NTM: variants seen among roughly 807,000 people sequenced by gnomAD.
NTM encodes neurotrimin.
A neutral mutation model predicts 42.1 loss-of-function variants in NTM; 13 were observed. That is an observed-to-expected ratio of 0.31 (90% CI 0.20 to 0.49). The LOEUF (loss-of-function observed/expected upper bound fraction) is 0.49, where lower values mean the gene tolerates loss of function less well. Ranked by LOEUF, NTM falls within the 20% of genes least tolerant of loss-of-function variation. NTM has a pLI of 0.99. For synonymous variants in NTM, 187 were observed against 179.2 expected, an observed-to-expected ratio of 1.04 and a Z score of -0.35; for missense variants, 373 against 452.8, an observed-to-expected ratio of 0.82 and a Z score of 1.60.
intron 4 of NTM, among the ~76,000 whole-genome samples, chr11:132,290,472 C>A (rs1370398925): frequency 6.6e-6 from 1 of 152,022 alleles, no homozygotes; most frequent in East Asian, 1.9e-4. Context: ...TCTAAATATG[C>A]ATTGGATACT....
Position 132,146,576 on chromosome 11 carries a change from G to T in NTM, c.400+62G>T, listed in dbSNP as rs1284284188. ...CCAGCCTGGAAAGCCTTCAGGTAAA[G>T]GTTTGTTCTCTGATCCTCAACAGAG... is the stretch of plus-strand genomic sequence containing the variant. On this transcript the variant is annotated intron_variant, in intron 3 of 8. Coordinates refer to ENST00000683400, the MANE Select transcript of NTM (RefSeq NM_001352005.2). The surrounding 1 kb of genome is among the most constrained non-coding windows in gnomAD (Gnocchi z 4.5). 6 of 1,555,036 alleles carry T rather than the reference G, an allele frequency of 3.9e-6. No individual in the cohort carries two copies. Among genetic ancestry groups the T allele is most frequent in the Non-Finnish European group, 5.3e-6 (6 of 1,139,822 alleles).
intron 4 of NTM, among the ~76,000 whole-genome samples, chr11:132,262,930 T>G (rs1170705986): frequency 1.3e-5 from 2 of 152,184 alleles, no homozygotes; most frequent in Non-Finnish European, 1.5e-5. Flanking sequence ...AAGTTATGTA[T>G]TTCCAAAATA....
chr11:131,776,124 G>T (rs184139909), intron 1 of NTM, among the ~76,000 whole-genome samples: 2 of 152,330 alleles, frequency 1.3e-5, no homozygotes, highest in Admixed American at 1.3e-4. Context: ...ATAATCCTGT[G>T]TGGAAGCTCC....
At chr11:131,854,600 A>T (rs1266508311) in intron 1 of NTM, among the ~76,000 whole-genome samples, 1 of 152,166 alleles carries the variant, frequency 6.6e-6, no homozygotes, top group Non-Finnish European at 1.5e-5. Flanking sequence ...AACAGAGGTG[A>T]ATGTGCTTGG....
At chr11:132,200,914 T>C (rs1167820185) in intron 3 of NTM, among the ~76,000 whole-genome samples, 1 of 152,182 alleles carries the variant, frequency 6.6e-6, no homozygotes, top group African/African-American at 2.4e-5. Context: ...ACTTACATAT[T>C]TGTTTACCTG....
At chr11:131,860,449 A>C (rs1295405758) in intron 1 of NTM, among the ~76,000 whole-genome samples, 3 of 152,134 alleles carry the variant, frequency 2.0e-5, no homozygotes, top group Admixed American at 2.0e-4. Flanking sequence ...AACATGTGGG[A>C]TGTTTCTGCC....
Position 132,146,211 on chromosome 11 carries a change from A to T in NTM, c.168-71A>T. 6.3e-7 allele frequency: 1 copy of T among 1,582,214 alleles called. No homozygotes were observed. The highest frequency in any genetic ancestry group is 8.6e-7 in the Non-Finnish European group (1 of 1,162,312). On this transcript the variant is annotated intron_variant, in intron 2 of 8. Coordinates refer to ENST00000683400, the MANE Select transcript of NTM (RefSeq NM_001352005.2). This position sits in a 1 kb window ranked among gnomAD's most constrained non-coding sequence, Gnocchi z 4.5. ...AAAGACAAGATATTCTAGCCTTGCC[A>T]TGAGGACCTCCCTCTGATGGCTGCT...
At position 132,212,074 on chromosome 11, in the gene NTM, C is replaced by G; in HGVS notation, c.453C>G (p.Asn151Lys). 6.2e-7 allele frequency: 1 copy of G among 1,613,340 alleles called. No homozygotes were observed. The highest frequency in any genetic ancestry group is 1.7e-4 in the Middle Eastern group (1 of 6,058). ...CAGATATCTCCATTAATGAAGGGAA[C>G]AATATTAGCCTCACCTGCATAGCAA... is the stretch of plus-strand genomic sequence containing the variant. ...ISSDISINEG[N>K]NISLTCIATG... Residue 151 changes from asparagine to lysine, a missense_variant, in exon 4 of 9, where the codon AAC (asparagine) becomes AAG (lysine). Physicochemically the swap from Asn to Lys is moderately conservative, Grantham distance 94. Coordinates refer to ENST00000683400, the MANE Select transcript of NTM (RefSeq NM_001352005.2).
rs576958345 is a variant in NTM, at chr11:131,689,265, G to A, written c.83-222299G>A. Among the ~76,000 whole-genome samples, 211 of 152,274 alleles carry A rather than the reference G, an allele frequency of 1.4e-3. 1 individual carries two copies. The highest frequency in any genetic ancestry group is 4.2e-3 in the African/African-American group (173 of 41,576). On this transcript the variant is annotated intron_variant, in intron 1 of 8. Transcript: ENST00000683400. ...AGCCAGGCAGGAACACAGGTGGCCC[G>A]GCAGGGAAGGCTGCTCTGGCCCTGC...
intron 1 of NTM, among the ~76,000 whole-genome samples, chr11:131,583,427 G>A (rs1251520879): frequency 6.6e-6 from 1 of 152,188 alleles, no homozygotes; most frequent in East Asian, 1.9e-4. Flanking sequence ...GAAAATGTCT[G>A]TGTTAACAAT....
intron 1 of NTM, among the ~76,000 whole-genome samples, chr11:131,481,006 G>A (rs891499150): frequency 2.0e-5 from 3 of 152,164 alleles, no homozygotes; most frequent in Admixed American, 6.5e-5. Context: ...GTAGAAGTAG[G>A]GAGGGTGGTA....
At chr11:131,382,741 C>T (rs1942842534) in intron 1 of NTM, among the ~76,000 whole-genome samples, 1 of 152,172 alleles carries the variant, frequency 6.6e-6, no homozygotes, top group Admixed American at 6.5e-5. Flanking sequence ...ACTAATCATC[C>T]TGATCATTAT....
At chr11:132,055,687 G>C (rs78635613) in intron 2 of NTM, among the ~76,000 whole-genome samples, 3 of 20,698 alleles carry the variant, frequency 1.4e-4, no homozygotes, top group Admixed American at 3.8e-4. Context: ...GAGAGACAGA[G>C]AGAGAGAGAG....
At chr11:132,323,714 A>G (rs1308390685) in intron 7 of NTM, among the ~76,000 whole-genome samples, 4 of 151,892 alleles carry the variant, frequency 2.6e-5, no homozygotes, top group Non-Finnish European at 5.9e-5. Flanking sequence ...CTGGGCAGAG[A>G]CACAACCAAA....
At chr11:132,320,026 C>A (rs577867888) in intron 7 of NTM, among the ~76,000 whole-genome samples, 1 of 152,324 alleles carries the variant, frequency 6.6e-6, no homozygotes, top group South Asian at 2.1e-4. Context: ...GGACCTCTAG[C>A]AAACTCCAAC....
intron 1 of NTM, among the ~76,000 whole-genome samples, chr11:131,782,056 C>A (rs1486308413): frequency 2.6e-5 from 4 of 152,080 alleles, no homozygotes; most frequent in African/African-American, 7.2e-5. Flanking sequence ...TTTTATTGAG[C>A]AAGTGGGACA....
chr11:132,062,653 C>G (rs368447746), intron 2 of NTM, among the ~76,000 whole-genome samples: 1 of 152,160 alleles, frequency 6.6e-6, no homozygotes, highest in Non-Finnish European at 1.5e-5. Flanking sequence ...TGTAATCAGA[C>G]AGGATGTAGC....
intron 1 of NTM, among the ~76,000 whole-genome samples, chr11:131,764,485 C>A (rs553831816): frequency 1.3e-5 from 2 of 152,238 alleles, no homozygotes; most frequent in African/African-American, 4.8e-5. Context: ...GTTGGATGAG[C>A]CGTTATGGTG....
chr11:131,793,862 G>T (rs1045465110), intron 1 of NTM, among the ~76,000 whole-genome samples: 9 of 152,152 alleles, frequency 5.9e-5, no homozygotes, highest in Non-Finnish European at 1.2e-4. Flanking sequence ...GCTGTGCTGG[G>T]CTCTGCTTCA....
Sources: gnomAD v4.1 joint callset for allele counts (sites outside exome capture counted in the v4.1 genomes callset) on GRCh38, gnomAD v4.1.1 for gene constraint, Gnocchi (gnomAD v3.1) non-coding constraint, MANE v1.5 for transcripts, NCBI Gene and HGNC (gene_info 2026-07-23, HGNC 2026-07-21) for gene names.